Variants in DENND1B observed in about 807,000 individuals in gnomAD.
DENND1B encodes DENN domain-containing protein 1B.
Under a neutral mutation model 90.1 loss-of-function variants are expected in DENND1B, and 59 were observed. The observed-to-expected ratio is 0.65, with a 90% confidence interval of 0.53 to 0.81. The LOEUF (loss-of-function observed/expected upper bound fraction) is 0.81. DENND1B is among the 40% of genes least tolerant of loss of function. The pLI is 0.00. For missense variants in DENND1B, 862 were observed against 912.6 expected, an observed-to-expected ratio of 0.94 and a Z score of 0.71; for synonymous variants, 337 against 324.6, an observed-to-expected ratio of 1.04 and a Z score of -0.41.
chr1:197,770,686 C>T (rs1259323654), intron 2 of DENND1B, among the ~76,000 whole-genome samples: 1 of 131,578 alleles, frequency 7.6e-6, no homozygotes, highest in Non-Finnish European at 1.6e-5. Flanking sequence ...ATATACATAT[C>T]TATAAATATA....
At chr1:197,666,909 A>G (rs968560860) in intron 5 of DENND1B, among the ~76,000 whole-genome samples, 2 of 152,140 alleles carry the variant, frequency 1.3e-5, no homozygotes, top group East Asian at 1.9e-4. Context: ...TGTAATCCCA[A>G]CACTTTGGGA....
chr1:197,507,919 C>T lies in DENND1B; in HGVS notation c.*2541G>A, dbSNP rs564725173. ...AATAACATGCAGAATTGTTTTTCTG[C>T]CTTTGTTTTTAAAATAGAATAAAAC... On this transcript the variant is annotated 3_prime_UTR_variant, in exon 23 of 23. Coordinates refer to ENST00000620048, the MANE Select transcript of DENND1B (RefSeq NM_001195215.2). 17 of 151,458 alleles carry T rather than the reference C, an allele frequency of 1.1e-4. No individual in the cohort carries two copies. The highest frequency in any genetic ancestry group is 3.9e-4 in the African/African-American group (16 of 41,386). The allele number at this position is 151,458 out of a possible 1,614,324, so 9.4% of individuals were successfully genotyped here. A position where few individuals can be genotyped will look rare whatever the true frequency, so the allele number is the denominator to read the frequency against.
intron 10 of DENND1B, among the ~76,000 whole-genome samples, chr1:197,637,433 T>G (rs1679894236): frequency 6.6e-6 from 1 of 152,164 alleles, no homozygotes; most frequent in African/African-American, 2.4e-5. Context: ...ACAAATGGAC[T>G]AAATCATAAG....
chr1:197,624,869 T>G (rs1410666280), intron 10 of DENND1B, among the ~76,000 whole-genome samples: 1 of 151,800 alleles, frequency 6.6e-6, no homozygotes, highest in Non-Finnish European at 1.5e-5. Flanking sequence ...ATGTGAAGAA[T>G]GCAGAAGCCT....
chr1:197,747,077 G>T, intron 2 of DENND1B: 1 of 780,338 alleles, frequency 1.3e-6, no homozygotes, highest in Non-Finnish European at 2.4e-6. Flanking sequence ...TCCTTCCACT[G>T]GGTTTCATTT....
chr1:197,631,021 T>A lies in DENND1B; in HGVS notation c.672+11690A>T, dbSNP rs79244688. On this transcript the variant is annotated intron_variant, in intron 10 of 22. Transcript: ENST00000620048. ...TACATCTCCTCACCTACATGACATT[T>A]CCCTATCACTAAATTTACTCCTTTC... Among the ~76,000 whole-genome samples, 1,385 of 152,220 alleles carry A rather than the reference T, an allele frequency of 9.1e-3. 19 individuals are homozygous for A. Among genetic ancestry groups the A allele is most frequent in the African/African-American group, 0.028 (1,177 of 41,544 alleles).
chr1:197,714,404 A>G (rs769664744), intron 3 of DENND1B, among the ~76,000 whole-genome samples: 1 of 152,206 alleles, frequency 6.6e-6, no homozygotes, highest in Admixed American at 6.5e-5. Flanking sequence ...TTCTATTTAC[A>G]TATATCATGT....
At chr1:197,667,347 T>C (rs1237604883) in intron 5 of DENND1B, among the ~76,000 whole-genome samples, 46 of 152,122 alleles carry the variant, frequency 3.0e-4, no homozygotes. Context: ...AGCCACCCCA[T>C]CAGCAATATT....
intron 19 of DENND1B, 98 bp from the exon 20 acceptor site, chr1:197,540,169 A>G (rs1670230049): frequency 1.5e-6 from 1 of 671,716 alleles, no homozygotes; most frequent in Non-Finnish European, 2.3e-6. Context: ...ACATACAAGT[A>G]GCAAAATAAC....
At chr1:197,696,339 T>C (rs1658432452) in intron 3 of DENND1B, among the ~76,000 whole-genome samples, 1 of 151,642 alleles carries the variant, frequency 6.6e-6, no homozygotes, top group African/African-American at 2.4e-5. Flanking sequence ...TTATTATTGT[T>C]ATAATTTAAA....
intron 3 of DENND1B, among the ~76,000 whole-genome samples, chr1:197,707,595 TA>T (rs1558427514): frequency 1.4e-5 from 2 of 147,420 alleles, no homozygotes; most frequent in African/African-American, 2.5e-5. Context: ...TATATACATA[TA>T]TTATATACAT....
intron 2 of DENND1B, among the ~76,000 whole-genome samples, chr1:197,732,512 C>T (rs564858920): frequency 5.7e-4 from 87 of 152,148 alleles, no homozygotes; most frequent in South Asian, 1.2e-3. Flanking sequence ...CAAAGGGAAT[C>T]GGAATAATAG....
At chr1:197,735,922 A>T in intron 2 of DENND1B, 1 of 1,507,162 alleles carries the variant, frequency 6.6e-7, no homozygotes, top group South Asian at 1.1e-5. Context: ...AAGAGGAATC[A>T]GAAACCTGAA....
intron 2 of DENND1B, among the ~76,000 whole-genome samples, chr1:197,764,766 G>T (rs961727084): frequency 6.6e-6 from 1 of 152,100 alleles, no homozygotes; most frequent in Non-Finnish European, 1.5e-5. Flanking sequence ...ATGTTTCCCT[G>T]AAGGCTATCA....
chr1:197,693,662 GGAAT>G, intron 3 of DENND1B, among the ~76,000 whole-genome samples: 1 of 151,524 alleles, frequency 6.6e-6, no homozygotes, highest in East Asian at 1.9e-4. Flanking sequence ...ATGGCAGCTG[GGAAT>G]GAAAGATTTC....
chr1:197,554,098 TATACAC>T (rs1475315735), intron 15 of DENND1B, among the ~76,000 whole-genome samples: 25 of 98,412 alleles, frequency 2.5e-4, no homozygotes, highest in African/African-American at 6.8e-4. Flanking sequence ...AATCAATGAT[TATACAC>T]ACACACACAC....
chr1:197,758,073 A>C (rs191513296), intron 2 of DENND1B, among the ~76,000 whole-genome samples: 2 of 152,304 alleles, frequency 1.3e-5, no homozygotes, highest in Admixed American at 1.3e-4. Flanking sequence ...ATTTGGAAGA[A>C]AGGAGCGCTA....
At chr1:197,542,914 CT>C (rs998950224) in intron 18 of DENND1B, among the ~76,000 whole-genome samples, 1 of 123,440 alleles carries the variant, frequency 8.1e-6, no homozygotes, top group African/African-American at 2.9e-5. Flanking sequence ...GAGTAGAAAC[CT>C]TTTTTATTTA....
chr1:197,639,150 G>A (rs1036817031), intron 10 of DENND1B, among the ~76,000 whole-genome samples: 1 of 150,546 alleles, frequency 6.6e-6, no homozygotes, highest in African/African-American at 2.4e-5. Flanking sequence ...TGCAACCTCC[G>A]TCTCCCGGGT....
Sources: gnomAD v4.1 joint callset for allele counts (sites outside exome capture counted in the v4.1 genomes callset) on GRCh38, gnomAD v4.1.1 for gene constraint, MANE v1.5 for transcripts, NCBI Gene and HGNC (gene_info 2026-07-23, HGNC 2026-07-21) for gene names.